Variants in GPCPD1 observed in about 807,000 individuals in gnomAD.
GPCPD1 encodes the protein glycerophosphocholine phosphodiesterase GPCPD1.
Under a neutral mutation model 89.2 loss-of-function variants are expected in GPCPD1, and 29 were observed. That is an observed-to-expected ratio of 0.33 (90% CI 0.24 to 0.44). The LOEUF (loss-of-function observed/expected upper bound fraction) is 0.44, where lower values mean the gene tolerates loss of function less well. Ranked by LOEUF, GPCPD1 falls within the 20% of genes least tolerant of loss-of-function variation. GPCPD1 has a pLI of 1.00. For synonymous variants in GPCPD1, 258 were observed against 266.3 expected, an observed-to-expected ratio of 0.97 and a Z score of 0.30; for missense variants, 594 against 808.9, an observed-to-expected ratio of 0.73 and a Z score of 3.22.
chr20:5,572,719 G>A (rs1251952256), intron 11 of GPCPD1, among the ~76,000 whole-genome samples: 1 of 151,892 alleles, frequency 6.6e-6, no homozygotes, highest in Non-Finnish European at 1.5e-5. Flanking sequence ...AGGAATAGGG[G>A]AGAAAAATCT....
chr20:5,554,109 C>T (rs1262216749), intron 19 of GPCPD1, among the ~76,000 whole-genome samples: 1 of 135,710 alleles, frequency 7.4e-6, no homozygotes, highest in African/African-American at 2.9e-5. Flanking sequence ...GCTGGGACTA[C>T]AGGCGCCCGC....
At chr20:5,601,361 CTTTTTTTTTTTTTTTT>C (rs1209326779) in intron 2 of GPCPD1, among the ~76,000 whole-genome samples, 1 of 73,046 alleles carries the variant, frequency 1.4e-5, no homozygotes, top group Non-Finnish European at 2.4e-5. Flanking sequence ...CCCTGTTAAT[CTTTTTTTTTTTTTTTT>C]TTTTTTTTTG....
chr20:5,583,675 C>A (rs1978717118), intron 6 of GPCPD1, among the ~76,000 whole-genome samples: 1 of 152,182 alleles, frequency 6.6e-6, no homozygotes, highest in Non-Finnish European at 1.5e-5. Flanking sequence ...TTTAAACATT[C>A]AGCCAGAATT....
chr20:5,588,595 C>A (rs1979098024), intron 4 of GPCPD1, among the ~76,000 whole-genome samples: 1 of 146,516 alleles, frequency 6.8e-6, no homozygotes, highest in Admixed American at 6.8e-5. Context: ...GAGGCCAAGG[C>A]AGGCAGATCA....
chr20:5,570,600 G>A (rs763674108), intron 11 of GPCPD1, among the ~76,000 whole-genome samples: 15 of 152,296 alleles, frequency 9.8e-5, no homozygotes, highest in Non-Finnish European at 1.8e-4. Flanking sequence ...CACTGCCCCT[G>A]CAAACCTTAG....
At chr20:5,600,825 CTT>C (rs1405830891) in intron 2 of GPCPD1, among the ~76,000 whole-genome samples, 3 of 150,476 alleles carry the variant, frequency 2.0e-5, no homozygotes, top group Non-Finnish European at 4.4e-5. Context: ...GAGCGAGACT[CTT>C]AAAAAAAAAA....
chr20:5,572,353 T>C (rs1986773226), intron 11 of GPCPD1, among the ~76,000 whole-genome samples: 1 of 152,202 alleles, frequency 6.6e-6, no homozygotes. Flanking sequence ...ATTTTAAACA[T>C]TAAAATTATG....
At chr20:5,607,824 A>T (rs1181128694) in intron 1 of GPCPD1, among the ~76,000 whole-genome samples, 5 of 147,648 alleles carry the variant, frequency 3.4e-5, no homozygotes, top group East Asian at 1.9e-4. Context: ...TCTCAAATAA[A>T]AAAAAAAAAA....
chr20:5,585,625 AG>A (rs1978863950), intron 5 of GPCPD1: 2 of 140,752 alleles, frequency 1.4e-5, no homozygotes, highest in African/African-American at 2.7e-5. Flanking sequence ...AAAAAAAAAA[AG>A]ACAAAAAAAA....
At chr20:5,576,106 TA>T (rs11475607) in intron 8 of GPCPD1, 128 bp from the exon 9 acceptor site, 136,919 of 421,156 alleles carry the variant, frequency 0.33, 18,904 homozygotes, top group South Asian at 0.36. Flanking sequence ...TGTATATATA[TA>T]TTTTTTTTTT....
chr20:5,566,858 G>C (rs1986419198), intron 13 of GPCPD1, 86 bp from the exon 14 acceptor site: 1 of 853,156 alleles, frequency 1.2e-6, no homozygotes, highest in African/African-American at 1.7e-5. Context: ...TGAAAAACTA[G>C]CAAGATAAAA....
intron 1 of GPCPD1, 120 bp downstream of exon 1, chr20:5,610,722 G>A (rs1434906514): frequency 1.4e-5 from 2 of 140,538 alleles, no homozygotes; most frequent in Non-Finnish European, 1.5e-5. Context: ...GGCCCGGCCC[G>A]AGGACCCCGC....
At chr20:5,572,475 A>T (rs866467316) in intron 11 of GPCPD1, among the ~76,000 whole-genome samples, 9 of 152,182 alleles carry the variant, frequency 5.9e-5, no homozygotes, top group African/African-American at 1.7e-4. Context: ...AACCCATTCC[A>T]ATTTCCAAGA....
intron 1 of GPCPD1, among the ~76,000 whole-genome samples, chr20:5,606,524 C>G (rs1276808215): frequency 6.6e-6 from 1 of 152,206 alleles, no homozygotes; most frequent in East Asian, 1.9e-4. Flanking sequence ...ATTAACCACA[C>G]TTCCCAGTCA....
chr20:5,567,617 A>ACCTGTAC, intron 12 of GPCPD1, 57 bp from the exon 13 acceptor site: 1 of 1,443,810 alleles, frequency 6.9e-7, no homozygotes, highest in South Asian at 1.4e-5. Context: ...AATTAAGAGA[A>ACCTGTAC]AAGTAAGCCC....
chr20:5,566,935 T>C (rs1267454459), intron 13 of GPCPD1, among the ~76,000 whole-genome samples, 163 bp from the exon 14 acceptor site: 1 of 152,224 alleles, frequency 6.6e-6, no homozygotes, highest in Non-Finnish European at 1.5e-5. Context: ...ATATTTTATA[T>C]GTGCATACAC....
At chr20:5,582,693 A>G (rs1978625193) in intron 6 of GPCPD1, among the ~76,000 whole-genome samples, 1 of 152,184 alleles carries the variant, frequency 6.6e-6, no homozygotes, top group African/African-American at 2.4e-5. Context: ...GTTTGAGACC[A>G]GCCTGACCAA....
intron 6 of GPCPD1, among the ~76,000 whole-genome samples, chr20:5,580,982 T>A (rs1978438743): frequency 6.6e-6 from 1 of 151,766 alleles, no homozygotes; most frequent in African/African-American, 2.4e-5. Flanking sequence ...CAAGAGATTC[T>A]CATGCCTCAG....
At chr20:5,550,111 T>G (rs1356108339) in intron 19 of GPCPD1, among the ~76,000 whole-genome samples, 1 of 151,720 alleles carries the variant, frequency 6.6e-6, no homozygotes, top group African/African-American at 2.4e-5. Context: ...GAGAATTTGC[T>G]TGAACCCAGT....
Sources: gnomAD v4.1 joint callset for allele counts (sites outside exome capture counted in the v4.1 genomes callset) on GRCh38, gnomAD v4.1.1 for gene constraint, MANE v1.5 for transcripts, NCBI Gene and HGNC (gene_info 2026-07-23, HGNC 2026-07-21) for gene names.